TIAM1: variants seen among roughly 807,000 people sequenced by gnomAD.
The protein encoded by TIAM1 is rho guanine nucleotide exchange factor TIAM1.
In TIAM1, 65 loss-of-function variants were observed where a neutral mutation model predicts 163.5. That is an observed-to-expected ratio of 0.40 (90% CI 0.33 to 0.49). TIAM1 has a LOEUF of 0.49. Among genes scored for constraint, TIAM1 ranks in the 20% least tolerant of loss-of-function variants. TIAM1 has a pLI of 0.77. For synonymous variants in TIAM1, 833 were observed against 810.1 expected (o/e 1.03, Z -0.48); for missense variants, 1,789 against 2,044.7 (o/e 0.87, Z 2.41).
chr21:31,440,900 A>T (rs2044395601), intron 2 of TIAM1, among the ~76,000 whole-genome samples: 1 of 152,156 alleles, frequency 6.6e-6, no homozygotes. Context: ...AAAAAGACAA[A>T]TGAAGTGGTA....
At chr21:31,184,214 T>C (rs1178145202) in intron 14 of TIAM1, among the ~76,000 whole-genome samples, 2 of 152,144 alleles carry the variant, frequency 1.3e-5, no homozygotes, top group Non-Finnish European at 2.9e-5. Flanking sequence ...CGAGTGATTC[T>C]CCTGCCTCAG....
At chr21:31,370,455 C>A (rs760403586) in intron 2 of TIAM1, among the ~76,000 whole-genome samples, 2 of 151,904 alleles carry the variant, frequency 1.3e-5, no homozygotes, top group Non-Finnish European at 2.9e-5. Flanking sequence ...TACAGACAAC[C>A]CAGTATGGGT....
chr21:31,386,082 G>A (rs2076866564), intron 2 of TIAM1, among the ~76,000 whole-genome samples: 1 of 152,058 alleles, frequency 6.6e-6, no homozygotes, highest in Non-Finnish European at 1.5e-5. Context: ...CGAAGGTGGT[G>A]GCAGATGCTG....
chr21:31,238,216 G>C (rs2070994162), intron 6 of TIAM1, among the ~76,000 whole-genome samples: 1 of 152,192 alleles, frequency 6.6e-6, no homozygotes, highest in Non-Finnish European at 1.5e-5. Flanking sequence ...CTGATTGCCT[G>C]TGCTTTAGCC....
intron 2 of TIAM1, among the ~76,000 whole-genome samples, chr21:31,386,871 G>A (rs2076880832): frequency 6.6e-6 from 1 of 152,234 alleles, no homozygotes; most frequent in African/African-American, 2.4e-5. Flanking sequence ...CAGCCGGAAT[G>A]GATGCTGGGA....
intron 13 of TIAM1, among the ~76,000 whole-genome samples, chr21:31,190,255 A>T (rs960957764): frequency 3.9e-5 from 6 of 152,060 alleles, no homozygotes; most frequent in Non-Finnish European, 7.4e-5. Flanking sequence ...AATTTTTTTT[A>T]AAAAATTAGC....
chr21:31,321,626 C>T (rs2075316572), intron 2 of TIAM1, among the ~76,000 whole-genome samples: 1 of 150,148 alleles, frequency 6.7e-6, no homozygotes, highest in Non-Finnish European at 1.5e-5. Context: ...GTTGGGATTA[C>T]AGGCGTGAGC....
At chr21:31,379,571 A>G (rs571238514) in intron 2 of TIAM1, among the ~76,000 whole-genome samples, 3 of 152,334 alleles carry the variant, frequency 2.0e-5, no homozygotes, top group Non-Finnish European at 2.9e-5. Context: ...AAAAGCTTGT[A>G]CACAAGTTTC....
chr21:31,459,114 TATTG>T (rs150505357), intron 2 of TIAM1, among the ~76,000 whole-genome samples: 4 of 151,168 alleles, frequency 2.6e-5, no homozygotes, highest in African/African-American at 7.3e-5. Context: ...ACTTGATTGC[TATTG>T]ATTGATTGAT....
chr21:31,418,437 A>C (rs899263810), intron 2 of TIAM1, among the ~76,000 whole-genome samples: 4 of 151,934 alleles, frequency 2.6e-5, no homozygotes, highest in Non-Finnish European at 4.4e-5. Context: ...ATCCAAATGC[A>C]AATTAAACAG....
chr21:31,346,367 C>T (rs1274247201), upstream of TIAM1, among the ~76,000 whole-genome samples: 1 of 152,154 alleles, frequency 6.6e-6, no homozygotes, highest in East Asian at 1.9e-4. Context: ...TCGCTGAGAA[C>T]CATACATATG....
rs202173632 is a variant in TIAM1 at position 31,245,986 on chromosome 21, G to A, written c.1412-326C>T. 5.9e-5 allele frequency among the ~76,000 whole-genome samples: 9 copies of A among 152,288 alleles called. No individual in the cohort carries two copies. In the East Asian group the frequency reaches 1.7e-3, roughly 29 times the overall value. ...GGTCTTGTGACTCCTCTGTCCCGAG[G>A]CAGAGGTCCTCCAGGCCAGAACTTT... On this transcript the variant is annotated intron_variant, in intron 5 of 27. Transcript: ENST00000541036.
rs1244544639 is a variant in TIAM1, at chr21:31,141,481, C to T, written c.3499G>A (p.Ala1167Thr). The T allele has an allele frequency of 6.2e-7, 1 of 1,614,088 alleles. No individual in the cohort carries two copies. The highest frequency in any genetic ancestry group is 8.5e-7 in the Non-Finnish European group (1 of 1,180,004). ...TTCGGGTTCTGGGCATCCAAGAATG[C>T]CTTGAAAGCCGTGTCTGTCTTGGCT... is the stretch of plus-strand genomic sequence containing the variant. Reference protein sequence around the residue: ...VKAKTDTAFKAFLDAQNPKQQ... With the variant: ...VKAKTDTAFKTFLDAQNPKQQ... Residue 1167 changes from alanine to threonine, a missense_variant, in exon 21 of 28, where the codon GCA becomes ACA. This residue lies in a region of TIAM1 where 60 missense variants were observed against 132.6 expected (regional missense o/e 0.45). Transcript: ENST00000541036. The surrounding 1 kb of genome is among the most constrained non-coding windows in gnomAD (Gnocchi z 4.7).
chr21:31,461,161 A>G (rs1602335887), intron 2 of TIAM1, among the ~76,000 whole-genome samples: 1 of 152,176 alleles, frequency 6.6e-6, no homozygotes, highest in Non-Finnish European at 1.5e-5. Context: ...TCTGTAAAAG[A>G]AGAGGGCACA....
chr21:31,292,689 G>A, intron 2 of TIAM1, among the ~76,000 whole-genome samples: 1 of 136,682 alleles, frequency 7.3e-6, no homozygotes, highest in East Asian at 2.2e-4. Flanking sequence ...TTTTTTTTAA[G>A]ACAAGGTCTC....
At chr21:31,497,511 A>G (rs2046706664) in intron 1 of TIAM1, among the ~76,000 whole-genome samples, 1 of 152,250 alleles carries the variant, frequency 6.6e-6, no homozygotes, top group Non-Finnish European at 1.5e-5. Context: ...GTAATGGCAG[A>G]TAAGAAACTG....
In TIAM1 at chr21:31,307,851, T is replaced by C. The variant is rs1189513352; in HGVS notation, c.-188-30943A>G. Among the ~76,000 whole-genome samples the C allele has an allele frequency of 5.3e-5, 8 of 152,180 alleles. No individual in the cohort carries two copies. In the South Asian group the frequency reaches 1.2e-3, roughly 24 times the overall value. On this transcript the variant is annotated intron_variant, in intron 2 of 27. Transcript: ENST00000541036. ...GTTACAGGAAGATGGAGAATCTCAG[T>C]TGAATTTACAAGATAAAAAATAGAG... is the stretch of plus-strand genomic sequence containing the variant.
At chr21:31,205,025 T>C (rs930052180) in intron 11 of TIAM1, among the ~76,000 whole-genome samples, 2 of 152,208 alleles carry the variant, frequency 1.3e-5, no homozygotes, top group Admixed American at 1.3e-4. Context: ...TCCAAGATTG[T>C]TGATGTCAAA....
intron 16 of TIAM1, chr21:31,160,664 G>GT (rs1162541446): frequency 2.5e-6 from 1 of 395,414 alleles, no homozygotes; most frequent in Non-Finnish European, 4.5e-6. Flanking sequence ...TCATATGGAC[G>GT]TCCCATGCTG....
Sources: gnomAD v4.1 joint callset for allele counts (sites outside exome capture counted in the v4.1 genomes callset) on GRCh38, gnomAD v4.1.1 for gene constraint, gnomAD v4.1.1 regional missense constraint, Gnocchi (gnomAD v3.1) non-coding constraint, MANE v1.5 for transcripts, NCBI Gene and HGNC (gene_info 2026-07-23, HGNC 2026-07-21) for gene names.